The following MED13L variants were observed in gnomAD, a reference collection of about 807,000 sequenced individuals.
MED13L encodes mediator complex subunit 13L.
MED13L carries 7 observed loss-of-function variants against 220.9 expected under a neutral mutation model. That is an observed-to-expected ratio of 0.03 (90% confidence interval 0.02 to 0.06). The LOEUF is 0.06. MED13L is among the 10% of genes least tolerant of loss of function. MED13L has a pLI of 1.00. For missense variants in MED13L, 1,965 were observed against 2,760.5 expected, an observed-to-expected ratio of 0.71 and a Z score of 6.46; for synonymous variants, 1,011 against 1,015.2, an observed-to-expected ratio of 1.00 and a Z score of 0.08.
chr12:116,006,164 C>A, intron 12 of MED13L, 142 bp downstream of exon 12: 2 of 1,269,636 alleles, frequency 1.6e-6, no homozygotes, highest in Non-Finnish European at 2.2e-6. Context: ...TTGAAAGGAA[C>A]TGAAAAACAA....
intron 10 of MED13L, 160 bp from the exon 11 acceptor site, chr12:116,007,796 AATAT>A (rs947552667): frequency 1.5e-6 from 1 of 669,342 alleles, no homozygotes; most frequent in Non-Finnish European, 2.5e-6. Context: ...CTTTGTCAAG[AATAT>A]ATGTTTTTGT....
At chr12:116,075,477 G>A (rs1171337662) in intron 4 of MED13L, among the ~76,000 whole-genome samples, 1 of 152,196 alleles carries the variant, frequency 6.6e-6, no homozygotes, top group African/African-American at 2.4e-5. Flanking sequence ...TTCCTCAGCT[G>A]TAAAACCAAA....
chr12:116,198,682 C>T (rs1365373353), intron 2 of MED13L, among the ~76,000 whole-genome samples: 1 of 152,120 alleles, frequency 6.6e-6, no homozygotes, highest in African/African-American at 2.4e-5. Flanking sequence ...TGTCCATCAT[C>T]CTGCCTCTAA....
intron 2 of MED13L, among the ~76,000 whole-genome samples, chr12:116,199,640 G>C (rs1249741695): frequency 6.6e-6 from 1 of 151,380 alleles, no homozygotes; most frequent in African/African-American, 2.4e-5. Flanking sequence ...GTTCCCATTT[G>C]GTTAAACAGT....
At chr12:116,040,085 T>C (rs1404668589) in intron 4 of MED13L, among the ~76,000 whole-genome samples, 2 of 152,164 alleles carry the variant, frequency 1.3e-5, no homozygotes, top group Non-Finnish European at 2.9e-5. Flanking sequence ...ACACGATGCA[T>C]AGCTCTCAGT....
intron 3 of MED13L, among the ~76,000 whole-genome samples, chr12:116,109,864 G>A (rs1481946238): frequency 6.6e-6 from 1 of 152,190 alleles, no homozygotes; most frequent in African/African-American, 2.4e-5. Flanking sequence ...GGAACACTCA[G>A]AGGAGCTAAA....
chr12:116,237,285 C>CA (rs1021123266), intron 2 of MED13L, among the ~76,000 whole-genome samples, 183 bp downstream of exon 2: 1 of 151,612 alleles, frequency 6.6e-6, no homozygotes, highest in African/African-American at 2.4e-5. Flanking sequence ...TGGAAAAGGA[C>CA]AAGAGTTAGG....
rs752932375 is a variant in MED13L, at chr12:115,983,192, T to C, written c.4880A>G (p.Gln1627Arg). Reference protein sequence around the residue: ...STGGISADRTQGNIGCGGDTD... With the variant: ...STGGISADRTRGNIGCGGDTD... ...GTCTCCACCACAGCCTATGTTCCCT[T>C]GCGTTCTATCCGCAGAAATGCCCCC... The change falls in exon 21 of 31, where the codon CAA becomes CGA. Residue 1627 changes from glutamine (Q) to arginine (R), a missense_variant. Around this residue, in one of 10 missense-constraint regions of MED13L, gnomAD observed 510 missense variants for 620.4 expected, o/e 0.82. Transcript: ENST00000281928. 9 of 1,614,026 alleles carry C rather than the reference T, an allele frequency of 5.6e-6. No homozygotes were observed. Among genetic ancestry groups the C allele is most frequent in the Non-Finnish European group, 7.6e-6 (9 of 1,179,998 alleles).
intron 7 of MED13L, among the ~76,000 whole-genome samples, chr12:116,015,689 G>A (rs1879684761): frequency 6.6e-6 from 1 of 152,172 alleles, no homozygotes; most frequent in Non-Finnish European, 1.5e-5. Context: ...CAAGGCAAAA[G>A]GGAACAGTAG....
intron 4 of MED13L, among the ~76,000 whole-genome samples, chr12:116,024,441 A>G (rs948723142): frequency 3.3e-5 from 5 of 152,188 alleles, no homozygotes; most frequent in African/African-American, 1.2e-4. Flanking sequence ...AAAATTTGAG[A>G]AACGTCCATT....
chr12:116,066,596 C>T (rs1869945042), intron 4 of MED13L, among the ~76,000 whole-genome samples: 1 of 152,046 alleles, frequency 6.6e-6, no homozygotes, highest in African/African-American at 2.4e-5. Flanking sequence ...CTAATATATA[C>T]TTCTATACTG....
intron 4 of MED13L, among the ~76,000 whole-genome samples, chr12:116,080,465 G>C (rs1871153579): frequency 1.3e-5 from 2 of 152,144 alleles, no homozygotes. Flanking sequence ...GTAGCCCTCA[G>C]GTTCCCAAAC....
chr12:116,006,362 G>A lies in MED13L; in HGVS notation c.2288C>T (p.Thr763Met). 9 of 1,614,028 alleles carry A rather than the reference G, an allele frequency of 5.6e-6. No homozygotes were observed. The highest frequency in any genetic ancestry group is 7.6e-6 in the Non-Finnish European group (9 of 1,179,930). The change falls in exon 12 of 31, where the codon ACG (threonine) becomes ATG (methionine). Residue 763 changes from threonine to methionine, a missense_variant. Thr to Met is a moderately conservative substitution (Grantham distance 81, BLOSUM62 -1). Transcript: ENST00000281928. Reference sequence around the variant, plus strand: ...GGCATTTTTCCCATCAGGCACCGGCGTGGAATGACCTGGTGTAGTGACATC... The same window carrying A: ...GGCATTTTTCCCATCAGGCACCGGCATGGAATGACCTGGTGTAGTGACATC... ...TKDVTTPGHS[T>M]PVPDGKNAMS...
chr12:116,221,164 C>CAGG (rs1321560896), intron 2 of MED13L, among the ~76,000 whole-genome samples: 1 of 151,956 alleles, frequency 6.6e-6, no homozygotes, highest in Non-Finnish European at 1.5e-5. Context: ...GGCTTGAGCC[C>CAGG]AGGAGTTCAA....
chr12:116,080,478 T>C (rs1343643519), intron 4 of MED13L, among the ~76,000 whole-genome samples: 2 of 152,166 alleles, frequency 1.3e-5, no homozygotes, highest in African/African-American at 4.8e-5. Flanking sequence ...TCCCAAACCA[T>C]GTACCAAAGC....
chr12:116,075,910 A>AT (rs774757433), intron 4 of MED13L, among the ~76,000 whole-genome samples: 2,431 of 134,214 alleles, frequency 0.018, 25 homozygotes, highest in East Asian at 0.032. Flanking sequence ...GAGCCAGAAG[A>AT]TTTTTTTTTT....
intron 19 of MED13L, 105 bp from the exon 20 acceptor site, chr12:115,984,477 C>T: frequency 7.6e-7 from 1 of 1,310,656 alleles, no homozygotes; most frequent in South Asian, 1.3e-5. Context: ...AAGCATTTTC[C>T]TTTTTCTTTT....
At chr12:115,965,936 A>T in intron 29 of MED13L, 146 bp downstream of exon 29, 1 of 1,025,236 alleles carries the variant, frequency 9.8e-7, no homozygotes, top group Non-Finnish European at 1.5e-6. Flanking sequence ...AACTGTAATT[A>T]AAATTTCCTC....
chr12:115,966,148 C>A lies in MED13L; in HGVS notation c.6321G>T (p.Glu2107Asp), dbSNP rs776298494. ...LGYFVSTAKA[E>D]NLPQWFWSSC... Reference sequence around the variant, plus strand: ...ATGACCAAAACCACTGGGGAAGATTCTCAGCTTTGGCAGTTGATACAAAAT... The same window carrying A: ...ATGACCAAAACCACTGGGGAAGATTATCAGCTTTGGCAGTTGATACAAAAT... Residue 2107 changes from glutamate (E) to aspartate (D), a missense_variant, in exon 29 of 31, where the codon GAG (glutamate) becomes GAT (aspartate). By Grantham distance (45) the Glu-to-Asp change is conservative. This residue lies in a region of MED13L where 145 missense variants were observed against 328.3 expected (regional missense o/e 0.44). Transcript: ENST00000281928. The A allele has an allele frequency of 3.7e-6, 6 of 1,614,144 alleles. No homozygotes were observed. In the South Asian group the frequency reaches 6.6e-5, roughly 18 times the overall value.
Sources: gnomAD v4.1 joint callset for allele counts (sites outside exome capture counted in the v4.1 genomes callset) on GRCh38, gnomAD v4.1.1 for gene constraint, gnomAD v4.1.1 regional missense constraint, MANE v1.5 for transcripts, NCBI Gene and HGNC (gene_info 2026-07-23, HGNC 2026-07-21) for gene names.